The following TBCD variants were observed in gnomAD, a reference collection of about 807,000 sequenced individuals.
The protein encoded by TBCD is tubulin-specific chaperone D.
A neutral mutation model predicts 169.3 loss-of-function variants in TBCD; 105 were observed. The observed-to-expected ratio is 0.62, with a 90% confidence interval of 0.53 to 0.73. TBCD has a LOEUF of 0.73. TBCD is among the 30% of genes least tolerant of loss of function. The pLI, the probability that TBCD is intolerant of heterozygous loss-of-function variation, is 0.00. For synonymous variants in TBCD, 700 were observed against 643.9 expected (o/e 1.09, Z -1.32); for missense variants, 1,444 against 1,600.1 (o/e 0.90, Z 1.66).
chr17:82,927,852 G>A lies in TBCD; in HGVS notation c.2610-53G>A, dbSNP rs1218600028. 6 of 1,539,946 alleles carry A rather than the reference G, an allele frequency of 3.9e-6. No homozygotes were observed. In the East Asian group the frequency reaches 1.4e-4, roughly 35 times the overall value. On this transcript the variant is annotated intron_variant, in intron 29 of 38. Transcript: ENST00000355528. ...CTGCCGGCGTGGTGGGCAGAACCAG[G>A]GTTGGAACCCCCCTCTCAAGCTGGG...
At chr17:82,919,947 G>T (rs1249508956) in intron 23 of TBCD, among the ~76,000 whole-genome samples, 1 of 152,250 alleles carries the variant, frequency 6.6e-6, no homozygotes, top group Non-Finnish European at 1.5e-5. Context: ...CAAGTGTGCA[G>T]CAGGCGTCTG....
At chr17:82,907,910 A>C (rs1327695879) in intron 21 of TBCD, 89 bp downstream of exon 21, 1 of 1,410,096 alleles carries the variant, frequency 7.1e-7, no homozygotes, top group East Asian at 2.5e-5. Flanking sequence ...CAGGGTCTGC[A>C]GTCCTGGTGG....
intron 30 of TBCD, 35 bp from the exon 31 acceptor site, chr17:82,929,078 C>A (rs1265378082): frequency 6.3e-7 from 1 of 1,592,076 alleles, no homozygotes; most frequent in Non-Finnish European, 8.5e-7. Flanking sequence ...AATTTACCGC[C>A]CGCCCTTGGT....
intron 27 of TBCD, among the ~76,000 whole-genome samples, chr17:82,925,691 G>A (rs754639): frequency 0.29 from 44,117 of 152,098 alleles, 6,826 homozygotes; most frequent in Non-Finnish European, 0.35. Context: ...GGTGGGCCTC[G>A]CAGCCGCCAT....
chr17:82,797,916 T>G, intron 8 of TBCD, 114 bp downstream of exon 8: 2 of 640,058 alleles, frequency 3.1e-6, no homozygotes, highest in South Asian at 8.0e-5. Context: ...ATTGGTATGT[T>G]TGGACACTAT....
intron 23 of TBCD, among the ~76,000 whole-genome samples, chr17:82,912,244 A>G (rs1226947585): frequency 6.6e-5 from 10 of 152,190 alleles, no homozygotes. Context: ...GGGCAAGAGG[A>G]AAGCTGAGCA....
chr17:82,890,057 G>A lies in TBCD; in HGVS notation c.1563+360G>A, dbSNP rs558802812. Among the ~76,000 whole-genome samples the A allele has an allele frequency of 3.3e-5, 5 of 152,356 alleles. No individual in the cohort carries two copies. Among genetic ancestry groups the A allele is most frequent in the Non-Finnish European group, 5.9e-5 (4 of 68,038 alleles). On this transcript the variant is annotated intron_variant, in intron 16 of 38. Coordinates refer to ENST00000355528, the MANE Select transcript of TBCD (RefSeq NM_005993.5). This position sits in a 1 kb window ranked among gnomAD's most constrained non-coding sequence, Gnocchi z 5.3. The stretch of plus-strand genomic sequence containing the variant: ...CAGAGCAGGAGCTGGCTCTGTTGAC[G>A]TCAGCTTGTGCCTCATCCAGACCAT...
In TBCD at chr17:82,883,320, G is replaced by A. The variant is rs538401138; in HGVS notation, c.1476-825G>A. Among the ~76,000 whole-genome samples the A allele has an allele frequency of 1.6e-4, 24 of 152,370 alleles. No individual in the cohort carries two copies. In the South Asian group the frequency reaches 4.1e-3, roughly 26 times the overall value. The stretch of plus-strand genomic sequence containing the variant: ...TTTTCCCTTTAGGCTGGTAGGAGGC[G>A]CAATCTCTCAAGCCTTCCTTAGAAA... On this transcript the variant is annotated intron_variant, in intron 14 of 38. Transcript: ENST00000355528.
In TBCD at chr17:82,806,144, A is replaced by G; in HGVS notation, c.1087+133A>G. 1 of 1,243,970 alleles carries G rather than the reference A, an allele frequency of 8.0e-7. No homozygotes were observed. Among genetic ancestry groups the G allele is most frequent in the Non-Finnish European group, 1.1e-6 (1 of 904,170 alleles). 77.1% of individuals were successfully genotyped at this position (1,243,970 alleles called of 1,614,324 possible). Reference sequence around the variant, plus strand: ...GCCACCCGTCCCCTTCGCTGAGTGCACGGTCACTGCCCGTCCTCTGGCTCC... The same window carrying G: ...GCCACCCGTCCCCTTCGCTGAGTGCGCGGTCACTGCCCGTCCTCTGGCTCC... On this transcript the variant is annotated intron_variant, in intron 10 of 38. Transcript: ENST00000355528. The surrounding 1 kb of genome is among the most constrained non-coding windows in gnomAD (Gnocchi z 5.1).
intron 13 of TBCD, among the ~76,000 whole-genome samples, chr17:82,845,227 C>T (rs137955359): frequency 0.027 from 4,124 of 152,302 alleles, 85 homozygotes; most frequent in Non-Finnish European, 0.045. Flanking sequence ...GCCGGCTCGG[C>T]CCCTTCCTCT....
In TBCD at chr17:82,832,261, C is replaced by T. The variant is rs920780314; in HGVS notation, c.1318+17327C>T. 6.2e-7 allele frequency: 1 copy of T among 1,614,200 alleles called. No individual in the cohort carries two copies. The highest frequency in any genetic ancestry group is 8.5e-7 in the Non-Finnish European group (1 of 1,180,032). ...GGGGTCTAGTGAGTTAGATTTAGGG[C>T]ACTTGGGAACTCGATCCTGCTCTGA... On this transcript the variant is annotated intron_variant, in intron 13 of 38. Transcript: ENST00000355528. This position sits in a 1 kb window ranked among gnomAD's most constrained non-coding sequence, Gnocchi z 4.9.
intron 14 of TBCD, chr17:82,876,915 G>C (rs542909916): frequency 1.0e-6 from 1 of 980,240 alleles, no homozygotes; most frequent in African/African-American, 1.7e-5. Flanking sequence ...GCTGTCAGCC[G>C]GTCTGACTGC....
intron 5 of TBCD, among the ~76,000 whole-genome samples, chr17:82,769,189 C>T (rs756299069): frequency 6.6e-6 from 1 of 152,174 alleles, no homozygotes; most frequent in African/African-American, 2.4e-5. Flanking sequence ...AGTTAAAACT[C>T]GACATGGGCA....
intron 30 of TBCD, among the ~76,000 whole-genome samples, chr17:82,928,548 C>T (rs768430868): frequency 1.3e-5 from 2 of 148,944 alleles, no homozygotes; most frequent in Non-Finnish European, 3.0e-5. Context: ...CAGGGGCACT[C>T]AGTCAGGGGG....
chr17:82,818,264 C>A lies in TBCD; in HGVS notation c.1318+3330C>A, dbSNP rs1272875023. 3.9e-5 allele frequency among the ~76,000 whole-genome samples: 6 copies of A among 152,302 alleles called. No homozygotes were observed. In the East Asian group the frequency reaches 1.2e-3, roughly 29 times the overall value. On this transcript the variant is annotated intron_variant, in intron 13 of 38. Transcript: ENST00000355528. ...CATGTGAGCTGAACCCTCTTTGCAG[C>A]CCCCATTCTGTTCCTGGTGGGACAT...
intron 12 of TBCD, among the ~76,000 whole-genome samples, chr17:82,810,288 C>T (rs2051336499): frequency 6.6e-6 from 1 of 152,298 alleles, no homozygotes; most frequent in East Asian, 1.9e-4. Context: ...GAAACCCCAT[C>T]TCTACAGAGA....
rs768100821 is a variant in TBCD at position 82,889,844 on chromosome 17, C to T, written c.1563+147C>T. 2.9e-5 allele frequency: 26 copies of T among 886,090 alleles called. No individual in the cohort carries two copies. In the Middle Eastern group the frequency reaches 6.9e-4, roughly 24 times the overall value. 54.9% of individuals were successfully genotyped at this position (886,090 alleles called of 1,614,324 possible). On this transcript the variant is annotated intron_variant, in intron 16 of 38. Transcript: ENST00000355528. This position sits in a 1 kb window ranked among gnomAD's most constrained non-coding sequence, Gnocchi z 5.3. Reference sequence around the variant, plus strand: ...CCAGGGTCATGAGTTCACTATAGGACGCACATGTTAAACAGCGAGTCCTGT... The same window carrying T: ...CCAGGGTCATGAGTTCACTATAGGATGCACATGTTAAACAGCGAGTCCTGT...
chr17:82,809,323 C>T (rs2051253708), intron 11 of TBCD, among the ~76,000 whole-genome samples: 1 of 152,130 alleles, frequency 6.6e-6, no homozygotes. Flanking sequence ...TGATGGGTGC[C>T]TGCACAGTCA....
chr17:82,823,045 A>C (rs1335966335), intron 13 of TBCD, among the ~76,000 whole-genome samples: 1 of 152,212 alleles, frequency 6.6e-6, no homozygotes, highest in African/African-American at 2.4e-5. Flanking sequence ...GAGAGGGGGA[A>C]GGGGTGGAGG....
Sources: gnomAD v4.1 joint callset for allele counts (sites outside exome capture counted in the v4.1 genomes callset) on GRCh38, gnomAD v4.1.1 for gene constraint, Gnocchi (gnomAD v3.1) non-coding constraint, MANE v1.5 for transcripts, NCBI Gene and HGNC (gene_info 2026-07-23, HGNC 2026-07-21) for gene names.